Variants in ZNF385D observed in about 807,000 individuals in gnomAD.
ZNF385D encodes zinc finger protein 659.
A neutral mutation model predicts 35.8 loss-of-function variants in ZNF385D; 15 were observed. The observed-to-expected ratio is 0.42, with a 90% CI of 0.28 to 0.64. ZNF385D has a LOEUF of 0.64. Among genes scored for constraint, ZNF385D ranks in the 30% least tolerant of loss-of-function variants. The pLI, the probability that ZNF385D is intolerant of heterozygous loss-of-function variation, is 0.23. For missense variants in ZNF385D, 474 were observed against 494.6 expected (o/e 0.96, Z 0.39); for synonymous variants, 212 against 186.8 (o/e 1.13, Z -1.10).
At chr3:22,089,989 C>T (rs1263641617) in intron 3 of ZNF385D, among the ~76,000 whole-genome samples, 1 of 152,068 alleles carries the variant, frequency 6.6e-6, no homozygotes, top group Non-Finnish European at 1.5e-5. Context: ...CAGGCGCGTG[C>T]CACCATGCCA....
intron 3 of ZNF385D, among the ~76,000 whole-genome samples, chr3:21,878,526 T>C (rs1698102394): frequency 2.1e-5 from 1 of 47,792 alleles, no homozygotes; most frequent in East Asian, 4.6e-4. Context: ...CACTAATATC[T>C]GCATGAAGTC....
At chr3:22,071,639 A>G (rs1700233313) in intron 3 of ZNF385D, among the ~76,000 whole-genome samples, 1 of 152,172 alleles carries the variant, frequency 6.6e-6, no homozygotes, top group Non-Finnish European at 1.5e-5. Flanking sequence ...ACATTTCAAC[A>G]TACTTAGAAA....
intron 3 of ZNF385D, among the ~76,000 whole-genome samples, chr3:22,146,395 T>C (rs1396616222): frequency 6.6e-6 from 1 of 152,214 alleles, no homozygotes; most frequent in Non-Finnish European, 1.5e-5. Flanking sequence ...AACAGTGGGT[T>C]GTATAGAATG....
intron 4 of ZNF385D, among the ~76,000 whole-genome samples, chr3:21,492,833 T>C (rs1455284757): frequency 1.4e-5 from 2 of 144,468 alleles, no homozygotes; most frequent in East Asian, 4.0e-4. Flanking sequence ...AGGATACAAC[T>C]GAGAAAAACT....
intron 2 of ZNF385D, among the ~76,000 whole-genome samples, chr3:22,258,580 T>G (rs1390952700): frequency 6.6e-6 from 1 of 151,606 alleles, no homozygotes; most frequent in Non-Finnish European, 1.5e-5. Flanking sequence ...AGAATCTAAA[T>G]ATGGATTTCA....
At chr3:21,887,565 T>C (rs2630814) in intron 3 of ZNF385D, among the ~76,000 whole-genome samples, 63,091 of 151,982 alleles carry the variant, frequency 0.42, 13,394 homozygotes, top group East Asian at 0.55. Flanking sequence ...AGGCAAATGG[T>C]AACAACATAT....
At chr3:22,013,453 C>T (rs961904376) in intron 3 of ZNF385D, among the ~76,000 whole-genome samples, 3 of 151,932 alleles carry the variant, frequency 2.0e-5, no homozygotes, top group Non-Finnish European at 4.4e-5. Context: ...ATGTTTTGTA[C>T]TGTAAAATAT....
In ZNF385D at chr3:22,205,036, G is replaced by A. The variant is rs137878463; in HGVS notation, c.107-36001C>T. Among the ~76,000 whole-genome samples the A allele has an allele frequency of 3.0e-3, 424 of 142,588 alleles. 3 individuals are homozygous for A. Among genetic ancestry groups the A allele is most frequent in the Non-Finnish European group, 4.4e-3 (287 of 65,322 alleles). The allele number at this position is 142,588 out of a possible 152,430, so 93.5% of individuals were successfully genotyped here. A position where few individuals can be genotyped will look rare whatever the true frequency, so the allele number is the denominator to read the frequency against. ...GTACAAGAAGGTTATAGAACACCAAGCAGATTTAACCCAAAAACAATGACT... is the reference window on the plus strand; with the variant it reads ...GTACAAGAAGGTTATAGAACACCAAACAGATTTAACCCAAAAACAATGACT... On this transcript the variant is annotated intron_variant, in intron 2 of 5. Transcript: ENST00000494108.
rs146561373 is a variant in ZNF385D, at chr3:22,242,973, T to G, written c.107-73938A>C. On this transcript the variant is annotated intron_variant, in intron 2 of 5. Coordinates refer to the ZNF385D transcript ENST00000494108. ...CATGTAAATGTTAATGACCTCGAAT[T>G]AGGCATTAGTTTCTTAGATATAACC... 3.3e-4 allele frequency among the ~76,000 whole-genome samples: 50 copies of G among 150,900 alleles called. 2 individuals carry two copies. Among genetic ancestry groups the G allele is most frequent in the Non-Finnish European group, 7.4e-5 (5 of 67,934 alleles).
chr3:21,452,543 C>A (rs73044415), intron 4 of ZNF385D, among the ~76,000 whole-genome samples: 42,022 of 151,804 alleles, frequency 0.28, 6,461 homozygotes, highest in East Asian at 0.43. Context: ...TCCACAAGAA[C>A]CCCCAAAACT....
At chr3:21,756,151 G>C (rs7616111), upstream of ZNF385D, among the ~76,000 whole-genome samples, 122,809 of 152,172 alleles carry the variant, frequency 0.81, 50,072 homozygotes, top group East Asian at 0.98. Context: ...GTAAGGTGAC[G>C]GGTTAGGAAG....
At chr3:22,161,587 T>C (rs1705954113) in intron 3 of ZNF385D, among the ~76,000 whole-genome samples, 1 of 152,148 alleles carries the variant, frequency 6.6e-6, no homozygotes, top group Non-Finnish European at 1.5e-5. Context: ...ACTTCTAATA[T>C]AGAATTCCTT....
chr3:21,816,018 G>A (rs556785126), intron 3 of ZNF385D, among the ~76,000 whole-genome samples: 14 of 152,094 alleles, frequency 9.2e-5, no homozygotes, highest in East Asian at 7.7e-4. Flanking sequence ...GATGCAAGGC[G>A]GGTTCAACAT....
At chr3:21,956,778 G>C (rs1405321153) in intron 3 of ZNF385D, among the ~76,000 whole-genome samples, 1 of 151,534 alleles carries the variant, frequency 6.6e-6, no homozygotes, top group Non-Finnish European at 1.5e-5. Flanking sequence ...ATGACTGCAG[G>C]GGCCAATCTA....
At position 21,467,329 on chromosome 3, in the gene ZNF385D, T is replaced by C. The variant is rs910697102; in HGVS notation, c.440-30126A>G. Among the ~76,000 whole-genome samples the C allele has an allele frequency of 2.0e-5, 3 of 152,186 alleles. No homozygotes were observed. The South Asian group carries it at 6.2e-4, about 32-fold the overall frequency. On this transcript the variant is annotated intron_variant, in intron 4 of 7. Coordinates refer to ENST00000281523, the MANE Select transcript of ZNF385D (RefSeq NM_024697.3). ...TTAGGAGTTTAGAAAATATTTTAGATACGGGGCTTCTTTGCCAAAACATTA... is the reference window on the plus strand; with the variant it reads ...TTAGGAGTTTAGAAAATATTTTAGACACGGGGCTTCTTTGCCAAAACATTA...
chr3:22,145,597 A>G (rs1704799291), intron 3 of ZNF385D, among the ~76,000 whole-genome samples: 1 of 152,244 alleles, frequency 6.6e-6, no homozygotes. Flanking sequence ...GAATGACTCT[A>G]CAGGACAGAA....
At chr3:22,272,352 T>C (rs1237239154) in intron 2 of ZNF385D, among the ~76,000 whole-genome samples, 1 of 152,058 alleles carries the variant, frequency 6.6e-6, no homozygotes, top group Non-Finnish European at 1.5e-5. Flanking sequence ...TCTAAATTTC[T>C]AAATTCTAAA....
chr3:21,994,848 T>C (rs539318902), intron 3 of ZNF385D, among the ~76,000 whole-genome samples: 56 of 152,360 alleles, frequency 3.7e-4, no homozygotes, highest in African/African-American at 1.3e-3. Context: ...CCTTAGGCTG[T>C]AGTTGTTAGT....
At chr3:21,689,118 A>G (rs1973329) in intron 1 of ZNF385D, among the ~76,000 whole-genome samples, 1 of 119,592 alleles carries the variant, frequency 8.4e-6, no homozygotes, top group South Asian at 2.8e-4. Context: ...GTCCTGCCCC[A>G]CCTTATTGAA....
Sources: allele counts gnomAD v4.1 joint callset (sites outside exome capture counted in the v4.1 genomes callset), GRCh38; gene constraint gnomAD v4.1.1; transcripts MANE v1.5; gene names NCBI Gene and HGNC (gene_info 2026-07-23, HGNC 2026-07-21).